BMERB1: variants seen among roughly 807,000 people sequenced by gnomAD.
BMERB1 encodes bMERB domain-containing protein 1.
Under a neutral mutation model 23.6 loss-of-function variants are expected in BMERB1, and 12 were observed. The observed-to-expected ratio is 0.51, with a 90% CI of 0.33 to 0.82. The LOEUF (loss-of-function observed/expected upper bound fraction) is 0.82. BMERB1 is among the 40% of genes least tolerant of loss of function. The pLI is 0.03. For missense variants in BMERB1, 247 were observed against 255.4 expected, an observed-to-expected ratio of 0.97 and a Z score of 0.22; for synonymous variants, 122 against 96.6, an observed-to-expected ratio of 1.26 and a Z score of -1.54.
At chr16:15,502,486 A>G in intron 1 of BMERB1, 1 of 930,868 alleles carries the variant, frequency 1.1e-6, no homozygotes, top group South Asian at 1.4e-5. Context: ...CTCTTTGGGA[A>G]ACGGTGACTC....
At chr16:15,474,903 G>A (rs1341988480) in intron 1 of BMERB1, among the ~76,000 whole-genome samples, 2 of 151,690 alleles carry the variant, frequency 1.3e-5, no homozygotes, top group East Asian at 3.9e-4. Flanking sequence ...GGCCAGGCTG[G>A]TCTTGAACTC....
At chr16:15,474,119 CAAA>C (rs71152434) in intron 1 of BMERB1, among the ~76,000 whole-genome samples, 34 of 91,552 alleles carry the variant, frequency 3.7e-4, no homozygotes, top group African/African-American at 1.3e-3. Flanking sequence ...GACTCTGTCT[CAAA>C]AAAAAAAAAA....
In BMERB1 at chr16:15,581,235, T is replaced by A; in HGVS notation, c.323T>A (p.Leu108Gln). ...VAIPEKEKTK[L>Q]QKQREDELIQ... ...TTTCCAGAAAAAGAAAAAACCAAAC[T>A]GCAGAAGCAGAGAGAGGATGAGCTA... is the stretch of plus-strand genomic sequence containing the variant. The change falls in exon 4 of 6, where the codon CTG becomes CAG. Residue 108 changes from leucine to glutamine, a missense_variant. Transcript: ENST00000300006. The A allele has an allele frequency of 6.2e-7, 1 of 1,613,028 alleles. No homozygotes were observed. Among genetic ancestry groups the A allele is most frequent in the South Asian group, 1.1e-5 (1 of 90,684 alleles).
chr16:15,460,938 A>G (rs1175158713), intron 1 of BMERB1, among the ~76,000 whole-genome samples: 1 of 152,278 alleles, frequency 6.6e-6, no homozygotes, highest in East Asian at 1.9e-4. Flanking sequence ...AGCCTGGCCA[A>G]TATGGTGAAG....
chr16:15,548,092 C>A (rs1157744552), intron 2 of BMERB1, among the ~76,000 whole-genome samples: 1 of 152,172 alleles, frequency 6.6e-6, no homozygotes, highest in Non-Finnish European at 1.5e-5. Context: ...TCAAGTGATT[C>A]TCCTGCCTCA....
intron 1 of BMERB1, among the ~76,000 whole-genome samples, chr16:15,505,857 C>T (rs2051584074): frequency 6.9e-6 from 1 of 145,066 alleles, no homozygotes. Context: ...CACTGCACTC[C>T]AGCCTGGGTG....
chr16:15,539,831 G>C (rs1309929667), intron 2 of BMERB1, among the ~76,000 whole-genome samples: 1 of 148,786 alleles, frequency 6.7e-6, no homozygotes, highest in Non-Finnish European at 1.5e-5. Context: ...GACAGAGCAA[G>C]ATTCCGTCTC....
chr16:15,564,867 A>G (rs1172650767), intron 2 of BMERB1, among the ~76,000 whole-genome samples: 11 of 152,110 alleles, frequency 7.2e-5, no homozygotes, highest in Admixed American at 3.9e-4. Flanking sequence ...ACTGACCTGC[A>G]TGTTTTTTCT....
At chr16:15,477,046 A>G (rs1255339670) in intron 1 of BMERB1, among the ~76,000 whole-genome samples, 1 of 152,188 alleles carries the variant, frequency 6.6e-6, no homozygotes, top group African/African-American at 2.4e-5. Flanking sequence ...GGATTGCTTG[A>G]GGCTAGTAGT....
chr16:15,526,966 T>C (rs1190631399), intron 2 of BMERB1, among the ~76,000 whole-genome samples: 3 of 147,404 alleles, frequency 2.0e-5, no homozygotes, highest in East Asian at 3.9e-4. Context: ...TATTTTATTA[T>C]ATTTTATTAT....
intron 1 of BMERB1, among the ~76,000 whole-genome samples, chr16:15,478,842 TG>T (rs2051295148): frequency 6.6e-6 from 1 of 152,216 alleles, no homozygotes; most frequent in African/African-American, 2.4e-5. Flanking sequence ...TTATTGTTAC[TG>T]ACTCCTGATC....
chr16:15,575,322 T>C (rs886819532), intron 3 of BMERB1, among the ~76,000 whole-genome samples: 2 of 152,234 alleles, frequency 1.3e-5, no homozygotes. Context: ...ATCTTCAGTT[T>C]CTATAGAAAA....
intron 1 of BMERB1, among the ~76,000 whole-genome samples, chr16:15,511,948 G>T (rs2051671255): frequency 7.3e-6 from 1 of 136,976 alleles, no homozygotes; most frequent in Non-Finnish European, 1.5e-5. Flanking sequence ...GGGAGGCAGA[G>T]GTTGCAATGA....
intron 1 of BMERB1, among the ~76,000 whole-genome samples, chr16:15,461,124 CA>C (rs35746898): frequency 1.1e-3 from 147 of 131,190 alleles, no homozygotes; most frequent in Non-Finnish European, 8.2e-4. Flanking sequence ...GACTCTGTCT[CA>C]AAAAAAAAAA....
intron 1 of BMERB1, among the ~76,000 whole-genome samples, chr16:15,450,653 T>G (rs2051034084): frequency 6.6e-6 from 1 of 152,130 alleles, no homozygotes; most frequent in Non-Finnish European, 1.5e-5. Flanking sequence ...GTATTTTTAG[T>G]AGAGATGGGG....
At chr16:15,492,732 A>T (rs1173268057) in intron 1 of BMERB1, among the ~76,000 whole-genome samples, 1 of 151,988 alleles carries the variant, frequency 6.6e-6, no homozygotes, top group East Asian at 1.9e-4. Flanking sequence ...CAGCTTCACC[A>T]ACATGGCGAA....
At chr16:15,563,977 T>C (rs1360195394) in intron 2 of BMERB1, among the ~76,000 whole-genome samples, 1 of 152,084 alleles carries the variant, frequency 6.6e-6, no homozygotes, top group Admixed American at 6.6e-5. Flanking sequence ...TTCTCACTCT[T>C]TTAGTTCCTG....
chr16:15,539,806 G>A (rs2052061067), intron 2 of BMERB1, among the ~76,000 whole-genome samples: 1 of 150,882 alleles, frequency 6.6e-6, no homozygotes, highest in Non-Finnish European at 1.5e-5. Flanking sequence ...TCGTACCACT[G>A]CACTCCAGCC....
At chr16:15,479,593 C>T (rs1326761966) in intron 1 of BMERB1, among the ~76,000 whole-genome samples, 3 of 152,024 alleles carry the variant, frequency 2.0e-5, no homozygotes, top group Non-Finnish European at 4.4e-5. Context: ...CTTATATACT[C>T]CAACCAAAAC....
Sources: allele counts gnomAD v4.1 joint callset (sites outside exome capture counted in the v4.1 genomes callset), GRCh38; gene constraint gnomAD v4.1.1; transcripts MANE v1.5; gene names NCBI Gene and HGNC (gene_info 2026-07-23, HGNC 2026-07-21).